HYCC1: variants seen among roughly 807,000 people sequenced by gnomAD.
HYCC1 encodes the protein hyccin PI4KA lipid kinase complex subunit 1.
At chr7:22,915,123 G>A in the HYCC1 span, among the ~76,000 whole-genome samples, 1 of 152,116 alleles carries the variant, frequency 6.6e-6, no homozygotes, top group African/African-American at 2.4e-5. Context: ...GGGCCAGAAG[G>A]CCATCTTATT....
the HYCC1 span, among the ~76,000 whole-genome samples, chr7:22,982,427 C>G: frequency 6.6e-6 from 1 of 152,100 alleles, no homozygotes; most frequent in Non-Finnish European, 1.5e-5. Flanking sequence ...TTCTATACCC[C>G]CTCCAAAAGA....
chr7:22,937,620 G>A, the HYCC1 span: 1 of 152,154 alleles, frequency 6.6e-6, no homozygotes, highest in African/African-American at 2.4e-5. Context: ...TTGAATAGAA[G>A]AGAAGCAACA....
the HYCC1 span, among the ~76,000 whole-genome samples, chr7:22,923,190 G>A: frequency 8.7e-3 from 1,316 of 152,130 alleles, 16 homozygotes; most frequent in African/African-American, 0.03. Flanking sequence ...AACTTAAAAG[G>A]ACATACATAA....
the HYCC1 span, among the ~76,000 whole-genome samples, chr7:22,898,048 T>C: frequency 2.6e-5 from 4 of 151,884 alleles, no homozygotes; most frequent in African/African-American, 9.7e-5. Flanking sequence ...TGTTTCTTTC[T>C]TTCTTTCTCT....
At chr7:22,909,482 G>A in the HYCC1 span, among the ~76,000 whole-genome samples, 2 of 152,110 alleles carry the variant, frequency 1.3e-5, no homozygotes, top group African/African-American at 4.8e-5. Flanking sequence ...ATGCAAGAAT[G>A]GCCTAACACA....
At chr7:22,924,503 C>T in the HYCC1 span, among the ~76,000 whole-genome samples, 393 of 152,346 alleles carry the variant, frequency 2.6e-3, 3 homozygotes, top group African/African-American at 6.8e-3. Flanking sequence ...GCTTTTCCAA[C>T]GGGCTTAACA....
chr7:22,915,958 C>A, the HYCC1 span, among the ~76,000 whole-genome samples: 1 of 152,032 alleles, frequency 6.6e-6, no homozygotes, highest in Admixed American at 6.6e-5. Flanking sequence ...AAATTCAAAG[C>A]CTCCTTCACA....
chr7:22,969,556 T>G, the HYCC1 span, among the ~76,000 whole-genome samples: 2 of 151,044 alleles, frequency 1.3e-5, no homozygotes, highest in East Asian at 3.9e-4. Flanking sequence ...AATCTCACTC[T>G]GTCGCCCAGG....
the HYCC1 span, among the ~76,000 whole-genome samples, chr7:23,005,458 T>G: frequency 1.3e-5 from 2 of 152,214 alleles, no homozygotes; most frequent in African/African-American, 4.8e-5. Context: ...TTTTATGATC[T>G]TATAGTTCTG....
chr7:22,898,962 C>T, the HYCC1 span, among the ~76,000 whole-genome samples: 3 of 152,184 alleles, frequency 2.0e-5, no homozygotes, highest in Admixed American at 1.3e-4. Context: ...AGCTTGCATA[C>T]AGGAAGGTTT....
the HYCC1 span, among the ~76,000 whole-genome samples, chr7:22,913,900 T>C: frequency 1.3e-5 from 2 of 152,146 alleles, no homozygotes; most frequent in African/African-American, 4.8e-5. Context: ...CCTCACTCCA[T>C]GAGGAGATCC....
the HYCC1 span, among the ~76,000 whole-genome samples, chr7:23,001,057 C>T: frequency 6.6e-6 from 1 of 152,016 alleles, no homozygotes; most frequent in African/African-American, 2.4e-5. Context: ...TGTCCATACA[C>T]AACTGGCATC....
the HYCC1 span, among the ~76,000 whole-genome samples, chr7:22,974,227 A>T: frequency 2.0e-5 from 3 of 152,170 alleles, no homozygotes; most frequent in African/African-American, 7.2e-5. Flanking sequence ...TCCCATTTTT[A>T]ACTTATAAAT....
the HYCC1 span, chr7:22,991,224 T>C: frequency 1.2e-6 from 1 of 840,946 alleles, no homozygotes. Context: ...TCCTATAAAG[T>C]TTTTACTTCA....
At chr7:22,976,399 T>C in the HYCC1 span, 1 of 890,404 alleles carries the variant, frequency 1.1e-6, no homozygotes, top group Non-Finnish European at 1.8e-6. Flanking sequence ...AGAGATACAA[T>C]GTTACAGAAC....
chr7:22,940,997 G>A, the HYCC1 span: 1 of 152,026 alleles, frequency 6.6e-6, no homozygotes, highest in African/African-American at 2.4e-5. Context: ...CTTCTGATAT[G>A]ACAAATAATC....
chr7:22,983,529 C>T, the HYCC1 span, among the ~76,000 whole-genome samples: 222 of 152,230 alleles, frequency 1.5e-3, no homozygotes, highest in African/African-American at 4.9e-3. Context: ...TGTGCTTATC[C>T]GTAGACTGGA....
At chr7:22,941,831 T>C in the HYCC1 span, 1 of 152,164 alleles carries the variant, frequency 6.6e-6, no homozygotes, top group Non-Finnish European at 1.5e-5. Context: ...TTCATGCTCA[T>C]TAAAGGACTA....
chr7:23,001,338 A>C, the HYCC1 span, among the ~76,000 whole-genome samples: 1 of 152,206 alleles, frequency 6.6e-6, no homozygotes, highest in Non-Finnish European at 1.5e-5. Flanking sequence ...TGGTTAAGTT[A>C]GGGTTAGAAC....
Sources: gnomAD v4.1 joint callset for allele counts (sites outside exome capture counted in the v4.1 genomes callset) on GRCh38, gnomAD v4.1.1 for gene constraint, MANE v1.5 for transcripts, NCBI Gene and HGNC (gene_info 2026-07-23, HGNC 2026-07-21) for gene names.